ABLIM3: variants seen among roughly 807,000 people sequenced by gnomAD.
The protein encoded by ABLIM3 is actin-binding LIM protein 3.
In ABLIM3, 61 loss-of-function variants were observed where a neutral mutation model predicts 109.5. The observed-to-expected ratio is 0.56, with a 90% CI of 0.45 to 0.69. ABLIM3 has a LOEUF of 0.69. ABLIM3 is among the 30% of genes least tolerant of loss of function. ABLIM3 has a pLI of 0.00. For missense variants in ABLIM3, 796 were observed against 889.5 expected (o/e 0.89, Z 1.34); for synonymous variants, 300 against 324.8 (o/e 0.92, Z 0.82).
chr5:149,244,997 T>A lies in ABLIM3; in HGVS notation c.1468T>A (p.Tyr490Asn). ...TGCTTCGGAGTCTGAGTACTGGACC[T>A]ACCATGGGTCCCCCAAAGGTAGTAC... ...YYASESEYWT[Y>N]HGSPKVPRAR... The change falls in exon 16 of 24, where the codon TAC becomes AAC. Residue 490 changes from tyrosine to asparagine, a missense_variant. Tyr to Asn is a moderately radical substitution (Grantham distance 143). Transcript: ENST00000309868. The A allele has an allele frequency of 6.2e-7, 1 of 1,614,184 alleles. No individual in the cohort carries two copies. Among genetic ancestry groups the A allele is most frequent in the South Asian group, 1.1e-5 (1 of 91,084 alleles).
At chr5:149,195,748 T>C (rs980617755) in intron 3 of ABLIM3, among the ~76,000 whole-genome samples, 1 of 152,258 alleles carries the variant, frequency 6.6e-6, no homozygotes, top group Non-Finnish European at 1.5e-5. Flanking sequence ...TGTGCTCTGG[T>C]TTGCCTGCTC....
At chr5:149,153,071 C>T (rs886652543) in intron 2 of ABLIM3, among the ~76,000 whole-genome samples, 5 of 152,020 alleles carry the variant, frequency 3.3e-5, no homozygotes, top group African/African-American at 1.2e-4. Context: ...CTAATAAGCC[C>T]CAGGATAAAG....
At chr5:149,241,691 G>A (rs1752861534) in intron 14 of ABLIM3, among the ~76,000 whole-genome samples, 1 of 152,134 alleles carries the variant, frequency 6.6e-6, no homozygotes, top group Non-Finnish European at 1.5e-5. Context: ...CCTGGGAGGC[G>A]GAGGTTGCAG....
intron 2 of ABLIM3, among the ~76,000 whole-genome samples, chr5:149,173,894 T>C (rs977972934): frequency 2.0e-5 from 3 of 150,540 alleles, no homozygotes; most frequent in Non-Finnish European, 3.0e-5. Flanking sequence ...TCGTGGCGGG[T>C]GCCTGTAGTC....
In ABLIM3 at chr5:149,237,566, T is replaced by C. The variant is rs371689634; in HGVS notation, c.1007T>C (p.Met336Thr). The change falls in exon 11 of 24, where the codon ATG (methionine) becomes ACG (threonine). Residue 336 changes from methionine to threonine, a missense_variant. Coordinates refer to ENST00000309868, the MANE Select transcript of ABLIM3 (RefSeq NM_014945.5). ...TCCTATGAGCCTCATTCCAGATACA[T>C]GTCCGACGAGATGCTGGAGAGATGT... ...LISYEPHSRY[M>T]SDEMLERCGY... 16 of 1,614,166 alleles carry C rather than the reference T, an allele frequency of 9.9e-6. No individual in the cohort carries two copies. The highest frequency in any genetic ancestry group is 2.7e-5 in the African/African-American group (2 of 75,046).
intron 3 of ABLIM3, among the ~76,000 whole-genome samples, chr5:149,193,057 G>C (rs1003161520): frequency 1.1e-4 from 17 of 152,022 alleles, no homozygotes; most frequent in African/African-American, 4.1e-4. Flanking sequence ...TGCAATGTAT[G>C]AACCTTGATA....
At chr5:149,156,357 A>G (rs1363486929) in intron 2 of ABLIM3, among the ~76,000 whole-genome samples, 1 of 152,234 alleles carries the variant, frequency 6.6e-6, no homozygotes, top group Non-Finnish European at 1.5e-5. Flanking sequence ...TGGGGATGAT[A>G]GGTGAACTTT....
At chr5:149,249,379 G>C (rs976332280) in intron 18 of ABLIM3, among the ~76,000 whole-genome samples, 6 of 152,236 alleles carry the variant, frequency 3.9e-5, no homozygotes, top group African/African-American at 1.4e-4. Flanking sequence ...CCATTTTGCA[G>C]ATGAGAAAAC....
intron 3 of ABLIM3, among the ~76,000 whole-genome samples, chr5:149,186,440 C>T (rs1310927575): frequency 6.6e-6 from 1 of 151,974 alleles, no homozygotes; most frequent in Non-Finnish European, 1.5e-5. Flanking sequence ...TGAAAAATTA[C>T]TTATGAAAAT....
chr5:149,257,238 GGA>G (rs1478246310), intron 23 of ABLIM3, among the ~76,000 whole-genome samples: 1 of 152,068 alleles, frequency 6.6e-6, no homozygotes, highest in African/African-American at 2.4e-5. Flanking sequence ...CTGGGGTGGT[GGA>G]GTTTGCAGTG....
chr5:149,247,938 G>A lies in ABLIM3; in HGVS notation c.1699+9G>A. On this transcript the variant is annotated intron_variant, in intron 18 of 23. Transcript: ENST00000309868. ...GATGTCCCTCAATGGCTGTAAGCAT[G>A]GCTCTGGAAGCCCAACGGGGCGGGG... 1 of 1,612,596 alleles carries A rather than the reference G, an allele frequency of 6.2e-7. No individual in the cohort carries two copies. The highest frequency in any genetic ancestry group is 8.5e-7 in the Non-Finnish European group (1 of 1,179,038).
chr5:149,223,770 C>G (rs1760901557), intron 8 of ABLIM3, among the ~76,000 whole-genome samples: 1 of 152,156 alleles, frequency 6.6e-6, no homozygotes, highest in Non-Finnish European at 1.5e-5. Flanking sequence ...ACACTCAGGC[C>G]AGGGTGGGGA....
At chr5:149,146,754 C>T (rs1752968494) in intron 2 of ABLIM3, among the ~76,000 whole-genome samples, 1 of 152,148 alleles carries the variant, frequency 6.6e-6, no homozygotes, top group Admixed American at 6.5e-5. Flanking sequence ...AATGTGATGC[C>T]TCCAGCTTTG....
chr5:149,257,238 G>A (rs1754510343), intron 23 of ABLIM3, among the ~76,000 whole-genome samples: 1 of 152,186 alleles, frequency 6.6e-6, no homozygotes, highest in Non-Finnish European at 1.5e-5. Flanking sequence ...CTGGGGTGGT[G>A]GAGTTTGCAG....
intron 2 of ABLIM3, among the ~76,000 whole-genome samples, chr5:149,173,982 A>T (rs529962911): frequency 6.4e-4 from 93 of 144,990 alleles, no homozygotes; most frequent in African/African-American, 2.3e-3. Flanking sequence ...AGATCGCGCC[A>T]CTGCACTCCA....
At chr5:149,183,940 A>G (rs920214538) in intron 3 of ABLIM3, among the ~76,000 whole-genome samples, 3 of 150,834 alleles carry the variant, frequency 2.0e-5, no homozygotes, top group Non-Finnish European at 2.9e-5. Flanking sequence ...AAAATTCAAG[A>G]TAGTTTTTTT....
chr5:149,188,493 G>A (rs1369750525), intron 3 of ABLIM3, among the ~76,000 whole-genome samples: 1 of 152,158 alleles, frequency 6.6e-6, no homozygotes, highest in East Asian at 1.9e-4. Context: ...GTTAAACAAG[G>A]CCTAAATAAA....
At chr5:149,214,013 G>A (rs1561594831) in intron 7 of ABLIM3, among the ~76,000 whole-genome samples, 2 of 152,154 alleles carry the variant, frequency 1.3e-5, no homozygotes, top group Non-Finnish European at 2.9e-5. Flanking sequence ...AGCCACTTGG[G>A]GGTCTTTGAG....
chr5:149,193,168 T>C (rs1304478050), intron 3 of ABLIM3, among the ~76,000 whole-genome samples: 1 of 152,162 alleles, frequency 6.6e-6, no homozygotes, highest in Non-Finnish European at 1.5e-5. Flanking sequence ...AATGCCTTAA[T>C]AGACATTATT....
Sources: gnomAD v4.1 joint callset for allele counts (sites outside exome capture counted in the v4.1 genomes callset) on GRCh38, gnomAD v4.1.1 for gene constraint, MANE v1.5 for transcripts, NCBI Gene and HGNC (gene_info 2026-07-23, HGNC 2026-07-21) for gene names.